Variants in CCAR2 observed in about 807,000 individuals in gnomAD.
CCAR2 encodes the protein cell cycle and apoptosis regulator 2, also known as cell cycle and apoptosis regulator protein 2.
In CCAR2, 21 loss-of-function variants were observed where a neutral mutation model predicts 108.1. The observed-to-expected ratio is 0.19, with a 90% confidence interval of 0.14 to 0.28. The LOEUF is 0.28. Among genes scored for constraint, CCAR2 ranks in the 10% least tolerant of loss-of-function variants. CCAR2 has a pLI of 1.00. For synonymous variants in CCAR2, 577 were observed against 472.8 expected (o/e 1.22, Z -2.86); for missense variants, 1,126 against 1,177.0 (o/e 0.96, Z 0.63).
At chr8:22,609,097 C>G (rs2117424659) in intron 7 of CCAR2, among the ~76,000 whole-genome samples, 1 of 145,804 alleles carries the variant, frequency 6.9e-6, no homozygotes, top group East Asian at 2.0e-4. Context: ...GTCACCCAGG[C>G]TGGAGTGTGG....
chr8:22,606,742 C>T, intron 4 of CCAR2, 44 bp downstream of exon 4: 1 of 1,533,878 alleles, frequency 6.5e-7, no homozygotes, highest in Non-Finnish European at 9.0e-7. Flanking sequence ...TTATTGGATT[C>T]AGTTCTGTCA....
chr8:22,616,955 C>T (rs1159874605), intron 14 of CCAR2, among the ~76,000 whole-genome samples: 1 of 77,758 alleles, frequency 1.3e-5, no homozygotes, highest in Non-Finnish European at 2.0e-5. Context: ...AACCTCGGCT[C>T]ACTGCAACCT....
intron 14 of CCAR2, chr8:22,616,487 G>A: frequency 1.8e-6 from 1 of 560,908 alleles, no homozygotes; most frequent in Non-Finnish European, 3.2e-6. Flanking sequence ...AGAACGCTTG[G>A]CAGAGTGGGG....
Position 22,619,915 on chromosome 8 carries a change from C to T in CCAR2, c.*233C>T. On this transcript the variant is annotated 3_prime_UTR_variant, in exon 21 of 21. Transcript: ENST00000308511. ...TAACAACTAAATACAACATCTTTTG[C>T]ACCCCTAGAATGTCATTTTGCCCTC... 5.2e-6 allele frequency: 3 copies of T among 571,980 alleles called. No homozygotes were observed. Among genetic ancestry groups the T allele is most frequent in the Non-Finnish European group, 9.4e-6 (3 of 318,506 alleles). 35.4% of individuals were successfully genotyped at this position (571,980 alleles called of 1,614,324 possible).
In CCAR2 at chr8:22,615,883, C is replaced by A. The variant is rs749909152; in HGVS notation, c.1579C>A (p.Arg527=). The A allele has an allele frequency of 1.9e-6, 3 of 1,613,950 alleles. No individual in the cohort carries two copies. The highest frequency in any genetic ancestry group is 1.7e-6 in the Non-Finnish European group (2 of 1,180,004). ...NLSLHGIVED[R]RPKERISFEV... ...GTCCCTCCATGGGATTGTGGAGGAT[C>A]GGAGGCCAAAGGAAAGGATCTCTTT... Residue 527 remains arginine, a synonymous_variant, in exon 13 of 21, where the codon CGG becomes AGG. Transcript: ENST00000308511.
rs1414865695 is a variant in CCAR2, at chr8:22,618,672, T to G, written c.2276T>G (p.Leu759Arg). ...CAGAACATCTGCCAGTACCGGAGCCTTCAGTACAGCCGCCAGGAGGGCCTG... is the reference window on the plus strand; with the variant it reads ...CAGAACATCTGCCAGTACCGGAGCCGTCAGTACAGCCGCCAGGAGGGCCTG... ...VTQNICQYRS[L>R]QYSRQEGLDG... Residue 759 changes from leucine (L) to arginine (R), a missense_variant, in exon 18 of 21, where the codon CTT becomes CGT. By Grantham distance (102) the Leu-to-Arg change is moderately radical. Coordinates refer to ENST00000308511, the MANE Select transcript of CCAR2 (RefSeq NM_001393997.1). 1 of 1,614,078 alleles carries G rather than the reference T, an allele frequency of 6.2e-7. No homozygotes were observed.
At position 22,619,029 on chromosome 8, in the gene CCAR2, G is replaced by C. The variant is rs1302895425; in HGVS notation, c.2521+14G>C. The C allele has an allele frequency of 6.2e-7, 1 of 1,611,226 alleles. No individual in the cohort carries two copies. Among genetic ancestry groups the C allele is most frequent in the Non-Finnish European group, 8.5e-7 (1 of 1,178,920 alleles). ...AGCTGAAGCTGGGTGAGGGCCTGGG[G>C]CTGCAGCCACCATGGGGTCACATGC... On this transcript the variant is annotated intron_variant, in intron 19 of 20. Coordinates refer to ENST00000308511, the MANE Select transcript of CCAR2 (RefSeq NM_001393997.1).
chr8:22,606,714 G>A lies in CCAR2; in HGVS notation c.242+16G>A, dbSNP rs1184916196. ...TTCAGCTAAGGTAGGCTTGAGGTTGGTCCCCTAACGGAAATGCTTATTGGA... is the reference window on the plus strand; with the variant it reads ...TTCAGCTAAGGTAGGCTTGAGGTTGATCCCCTAACGGAAATGCTTATTGGA... On this transcript the variant is annotated intron_variant, in intron 4 of 20. Coordinates refer to ENST00000308511, the MANE Select transcript of CCAR2 (RefSeq NM_001393997.1). The A allele has an allele frequency of 1.2e-6, 2 of 1,603,368 alleles. No homozygotes were observed. The highest frequency in any genetic ancestry group is 2.7e-5 in the African/African-American group (2 of 74,666).
chr8:22,611,624 A>G (rs1205725627), intron 7 of CCAR2, among the ~76,000 whole-genome samples: 3 of 152,098 alleles, frequency 2.0e-5, no homozygotes, highest in Non-Finnish European at 4.4e-5. Context: ...ACATGTGCAT[A>G]CTTTTTGCAA....
chr8:22,611,047 A>T (rs1465979062), intron 7 of CCAR2, among the ~76,000 whole-genome samples: 1 of 148,458 alleles, frequency 6.7e-6, no homozygotes, highest in Non-Finnish European at 1.5e-5. Context: ...AAATAATATA[A>T]ATACATAAAA....
Position 22,620,417 on chromosome 8 carries a change from G to T in CCAR2, c.*735G>T, listed in dbSNP as rs202121346. 1.9e-3 allele frequency: 242 copies of T among 124,118 alleles called. 1 individual carries two copies. Among genetic ancestry groups the T allele is most frequent in the Non-Finnish European group, 2.6e-3 (153 of 59,342 alleles). 7.7% of individuals were successfully genotyped at this position (124,118 alleles called of 1,614,324 possible). Reference sequence around the variant, plus strand: ...GTTTGACTTTGTATATAAAGTTGGGGTTTTTTTTTTTTTTTTTTGGCTTGT... The same window carrying T: ...GTTTGACTTTGTATATAAAGTTGGGTTTTTTTTTTTTTTTTTTTGGCTTGT... On this transcript the variant is annotated 3_prime_UTR_variant, in exon 21 of 21. Coordinates refer to ENST00000308511, the MANE Select transcript of CCAR2 (RefSeq NM_001393997.1).
chr8:22,606,998 G>C lies in CCAR2; in HGVS notation c.331G>C (p.Val111Leu), dbSNP rs200416867. The C allele has an allele frequency of 6.2e-7, 1 of 1,614,128 alleles. No individual in the cohort carries two copies. The highest frequency in any genetic ancestry group is 8.5e-7 in the Non-Finnish European group (1 of 1,180,022). Residue 111 changes from valine (V) to leucine (L), a missense_variant, in exon 5 of 21, where the codon GTC becomes CTC. By Grantham distance (32) the Val-to-Leu change is conservative. Around this residue, in one of 4 missense-constraint regions of CCAR2, gnomAD observed 44 missense variants for 63.4 expected, o/e 0.69. Transcript: ENST00000308511. ...NPGQAVPWNA[V>L]KVQTLSNQPL... ...AGGCCAGGCAGTGCCCTGGAATGCT[G>C]TCAAGGTGCAAACGCTCTCCAACCA...
intron 1 of CCAR2, 131 bp downstream of exon 1, chr8:22,604,973 CA>C (rs1801008187): frequency 3.1e-6 from 1 of 321,546 alleles, no homozygotes; most frequent in Non-Finnish European, 6.1e-6. Flanking sequence ...CTTTGGACTG[CA>C]AGTCCCGTCT....
rs544893332 is a variant in CCAR2, at chr8:22,606,464, C to T, written c.151-143C>T. ...CCAACCCCTAATGATGGAGTATGCC[C>T]ACCACACCTGTACTTCACTCTGTGC... On this transcript the variant is annotated intron_variant, in intron 3 of 20. Transcript: ENST00000308511. The T allele has an allele frequency of 1.5e-3, 1,025 of 695,002 alleles. 12 individuals are homozygous for T. In the South Asian group the frequency reaches 0.017, roughly 11 times the overall value. 43.1% of individuals were successfully genotyped at this position (695,002 alleles called of 1,614,324 possible). A position where few individuals can be genotyped will look rare whatever the true frequency, so the allele number is the denominator to read the frequency against.
intron 12 of CCAR2, 39 bp from the exon 13 acceptor site, chr8:22,615,643 C>G (rs766354766): frequency 1.9e-6 from 3 of 1,613,532 alleles, no homozygotes; most frequent in Non-Finnish European, 1.7e-6. Flanking sequence ...GTGGCCTAAT[C>G]CCGGGACCCA....
At chr8:22,608,145 G>T in intron 7 of CCAR2, 80 bp downstream of exon 7, 1 of 1,183,126 alleles carries the variant, frequency 8.5e-7, no homozygotes. Context: ...TTTTGTGTTG[G>T]CCAGGAAGTG....
At chr8:22,615,184 G>C in intron 11 of CCAR2, 183 bp downstream of exon 11, 1 of 926,348 alleles carries the variant, frequency 1.1e-6, no homozygotes, top group Non-Finnish European at 1.6e-6. Flanking sequence ...CCACCAGGCT[G>C]CACTTGAGAC....
Position 22,619,519 on chromosome 8 carries a change from G to A in CCAR2, c.2728-119G>A, listed in dbSNP as rs1801671396. ...GTGTGCCCCTGGTTGCAGGTTCTCT[G>A]GGAATTGAGCAGTCAGCAGCGTGCA... On this transcript the variant is annotated intron_variant, in intron 20 of 20. Coordinates refer to ENST00000308511, the MANE Select transcript of CCAR2 (RefSeq NM_001393997.1). 2.8e-6 allele frequency: 4 copies of A among 1,416,232 alleles called. No homozygotes were observed. The African/African-American group carries it at 4.3e-5, about 15-fold the overall frequency. 87.7% of individuals were successfully genotyped at this position (1,416,232 alleles called of 1,614,324 possible).
chr8:22,608,028 G>A lies in CCAR2; in HGVS notation c.547G>A (p.Ala183Thr), dbSNP rs147413626. 8.1e-6 allele frequency: 13 copies of A among 1,613,842 alleles called. No homozygotes were observed. In the Admixed American group the frequency reaches 1.5e-4, roughly 19 times the overall value. Residue 183 changes from alanine (A) to threonine (T), a missense_variant, in exon 7 of 21, where the codon GCC (alanine) becomes ACC (threonine). Ala to Thr is a moderately conservative substitution (Grantham distance 58). This residue lies in a region of CCAR2 where 1,013 missense variants were observed against 993.9 expected (regional missense o/e 1.02). Coordinates refer to ENST00000308511, the MANE Select transcript of CCAR2 (RefSeq NM_001393997.1). ...LHLSHLNRFP[A>T]RGPHGRLDQG... ...CCTGAGCCACCTGAACAGATTTCCT[G>A]CCCGGGGCCCTCATGGACGGTTGGA... is the stretch of plus-strand genomic sequence containing the variant.
Sources: gnomAD v4.1 joint callset for allele counts (sites outside exome capture counted in the v4.1 genomes callset) on GRCh38, gnomAD v4.1.1 for gene constraint, gnomAD v4.1.1 regional missense constraint, MANE v1.5 for transcripts, NCBI Gene and HGNC (gene_info 2026-07-23, HGNC 2026-07-21) for gene names.